KIAA2012: variants seen among roughly 807,000 people sequenced by gnomAD.
The protein encoded by KIAA2012 is KIAA2012, also known as uncharacterized protein KIAA2012.
In KIAA2012, 125 loss-of-function variants were observed where a neutral mutation model predicts 150.6. The ratio of observed to expected loss-of-function variants is 0.83; its 90% CI spans 0.72 to 0.96. KIAA2012 has a LOEUF of 0.96. KIAA2012 is among the 40% of genes least tolerant of loss of function. KIAA2012 has a pLI of 0.00. For synonymous variants in KIAA2012, 462 were observed against 504.7 expected, an observed-to-expected ratio of 0.92 and a Z score of 1.13; for missense variants, 1,219 against 1,354.9, an observed-to-expected ratio of 0.90 and a Z score of 1.57.
chr2:202,194,581 C>A (rs1411647391), intron 21 of KIAA2012, among the ~76,000 whole-genome samples: 1 of 152,154 alleles, frequency 6.6e-6, no homozygotes, highest in Non-Finnish European at 1.5e-5. Flanking sequence ...ACTCCAGAGT[C>A]CCTTTGCCCT....
At chr2:202,129,363 G>A (rs953476441) in intron 12 of KIAA2012, among the ~76,000 whole-genome samples, 2 of 151,836 alleles carry the variant, frequency 1.3e-5, no homozygotes, top group African/African-American at 4.8e-5. Context: ...GGGATTACGG[G>A]CACCCGCCAC....
At chr2:202,129,936 C>A (rs1690893687) in intron 12 of KIAA2012, among the ~76,000 whole-genome samples, 1 of 152,146 alleles carries the variant, frequency 6.6e-6, no homozygotes, top group Admixed American at 6.5e-5. Context: ...AGTGAGTGAG[C>A]CTAGCCAGCC....
chr2:202,201,323 G>A (rs1237411994), intron 22 of KIAA2012: 3 of 1,585,620 alleles, frequency 1.9e-6, no homozygotes, highest in Non-Finnish European at 2.6e-6. Flanking sequence ...CAGTTACATT[G>A]TGAGAAGTGC....
intron 13 of KIAA2012, among the ~76,000 whole-genome samples, chr2:202,141,517 T>A (rs1028330255): frequency 6.6e-6 from 1 of 152,210 alleles, no homozygotes; most frequent in African/African-American, 2.4e-5. Flanking sequence ...GCTTCCCCAC[T>A]GTGAACAGAA....
At chr2:202,200,707 C>CTTTA (rs1692501795) in intron 22 of KIAA2012, among the ~76,000 whole-genome samples, 1 of 124,272 alleles carries the variant, frequency 8.0e-6, no homozygotes, top group African/African-American at 3.1e-5. Flanking sequence ...AATTTTGGAA[C>CTTTA]TTTTTTTTTT....
intron 2 of KIAA2012, among the ~76,000 whole-genome samples, chr2:202,082,378 T>C (rs1294358592): frequency 6.6e-6 from 1 of 152,066 alleles, no homozygotes; most frequent in Non-Finnish European, 1.5e-5. Context: ...CAAAGAGAGA[T>C]ATTCTGGATA....
intron 22 of KIAA2012, chr2:202,201,461 C>A: frequency 6.3e-7 from 1 of 1,595,564 alleles, no homozygotes; most frequent in East Asian, 2.2e-5. Flanking sequence ...TGGCTGCCTG[C>A]ATGACTGCAA....
intron 13 of KIAA2012, among the ~76,000 whole-genome samples, chr2:202,139,323 T>G (rs558429284): frequency 1.5e-4 from 23 of 152,274 alleles, no homozygotes; most frequent in Non-Finnish European, 2.6e-4. Context: ...TTGGAAGCTT[T>G]GAAGCTGGAA....
At chr2:202,107,825 G>A (rs1387738846) in intron 9 of KIAA2012, among the ~76,000 whole-genome samples, 4 of 152,018 alleles carry the variant, frequency 2.6e-5, no homozygotes, top group South Asian at 2.1e-4. Flanking sequence ...CCTGACCAAC[G>A]TGGTGAAACC....
intron 9 of KIAA2012, 151 bp downstream of exon 9, chr2:202,106,061 C>T: frequency 6.5e-7 from 1 of 1,527,046 alleles, no homozygotes; most frequent in Non-Finnish European, 8.8e-7. Context: ...GTGCAGGCAG[C>T]AGCTGCCTTC....
chr2:202,140,591 G>A (rs992392224), intron 13 of KIAA2012, among the ~76,000 whole-genome samples: 3 of 152,142 alleles, frequency 2.0e-5, no homozygotes, highest in Non-Finnish European at 4.4e-5. Flanking sequence ...CTGCACCCCC[G>A]CTTACTTCTC....
At chr2:202,192,128 C>T (rs1014512287) in intron 19 of KIAA2012, among the ~76,000 whole-genome samples, 1 of 152,180 alleles carries the variant, frequency 6.6e-6, no homozygotes, top group African/African-American at 2.4e-5. Context: ...AAATTTTAAC[C>T]TATGGGCCGA....
intron 22 of KIAA2012, among the ~76,000 whole-genome samples, chr2:202,200,558 G>A (rs1033396386): frequency 2.0e-5 from 3 of 152,014 alleles, no homozygotes; most frequent in East Asian, 1.9e-4. Flanking sequence ...GGAGACTGGC[G>A]GGAGGAAATG....
intron 12 of KIAA2012, among the ~76,000 whole-genome samples, chr2:202,130,323 G>C (rs534871452): frequency 1.3e-5 from 2 of 152,238 alleles, no homozygotes; most frequent in Non-Finnish European, 2.9e-5. Context: ...AAATTCTCAG[G>C]ATGTGTCCTT....
intron 5 of KIAA2012, among the ~76,000 whole-genome samples, chr2:202,098,815 T>G (rs1214626051): frequency 6.9e-6 from 1 of 144,886 alleles, no homozygotes. Context: ...TGTGTGTGTG[T>G]GTGTGCACGC....
At chr2:202,149,671 G>A (rs749248862) in intron 13 of KIAA2012, among the ~76,000 whole-genome samples, 2 of 152,224 alleles carry the variant, frequency 1.3e-5, no homozygotes, top group Non-Finnish European at 2.9e-5. Context: ...AGTGGGAGAA[G>A]TAATGAGGAG....
intron 8 of KIAA2012, among the ~76,000 whole-genome samples, chr2:202,105,391 G>C (rs1312470481): frequency 6.6e-6 from 1 of 152,210 alleles, no homozygotes; most frequent in Non-Finnish European, 1.5e-5. Context: ...AACTCTGTTA[G>C]CCTTTCCTCT....
In KIAA2012 at chr2:202,129,039, C is replaced by T. The variant is rs571650748; in HGVS notation, c.1831+3757C>T. On this transcript the variant is annotated intron_variant, in intron 12 of 23. Transcript: ENST00000498697. ...GCTTCTCCTGCCAGCGGCAGGGTCGCGGTGGCAGAGGTTGCGGTAAGCCAA... is the reference window on the plus strand; with the variant it reads ...GCTTCTCCTGCCAGCGGCAGGGTCGTGGTGGCAGAGGTTGCGGTAAGCCAA... Among the ~76,000 whole-genome samples the T allele has an allele frequency of 1.7e-4, 26 of 151,984 alleles. No homozygotes were observed. The South Asian group carries it at 4.0e-3, about 23-fold the overall frequency.
chr2:202,168,997 G>A (rs1481625465), intron 15 of KIAA2012, among the ~76,000 whole-genome samples: 2 of 152,166 alleles, frequency 1.3e-5, no homozygotes, highest in Admixed American at 1.3e-4. Flanking sequence ...TCTAACAAAG[G>A]CCAAAGTAAA....
Sources: allele counts gnomAD v4.1 joint callset (sites outside exome capture counted in the v4.1 genomes callset), GRCh38; gene constraint gnomAD v4.1.1; transcripts MANE v1.5; gene names NCBI Gene and HGNC (gene_info 2026-07-23, HGNC 2026-07-21).